The following GRIN2B variants were observed in gnomAD, a reference collection of about 807,000 sequenced individuals.
GRIN2B encodes glutamate receptor ionotropic, NMDA 2B.
Under a neutral mutation model 114.5 loss-of-function variants are expected in GRIN2B, and 5 were observed. The observed-to-expected ratio is 0.04, with a 90% confidence interval of 0.02 to 0.09. The LOEUF (loss-of-function observed/expected upper bound fraction) is 0.09. GRIN2B is among the 10% of genes least tolerant of loss of function. The pLI, the probability that GRIN2B is intolerant of heterozygous loss-of-function variation, is 1.00. For missense variants in GRIN2B, 1,108 were observed against 1,943.5 expected (o/e 0.57, Z 8.08); for synonymous variants, 787 against 745.1 (o/e 1.06, Z -0.92).
At chr12:13,780,051 C>T (rs1395589683) in intron 3 of GRIN2B, among the ~76,000 whole-genome samples, 3 of 152,196 alleles carry the variant, frequency 2.0e-5, no homozygotes, top group Non-Finnish European at 4.4e-5. Context: ...GTCACCATAT[C>T]AGGAAAATTC....
intron 5 of GRIN2B, among the ~76,000 whole-genome samples, chr12:13,622,795 A>C (rs1949531063): frequency 6.6e-6 from 1 of 152,148 alleles, no homozygotes; most frequent in Non-Finnish European, 1.5e-5. Context: ...CTCTCTCAAT[A>C]ACCAACCCAC....
intron 3 of GRIN2B, among the ~76,000 whole-genome samples, chr12:13,820,883 C>A (rs947355983): frequency 1.3e-5 from 2 of 152,108 alleles, no homozygotes; most frequent in Admixed American, 6.6e-5. Context: ...GAAGAGCTTT[C>A]TATAATAGGA....
chr12:13,743,756 C>G (rs763917403), intron 4 of GRIN2B, among the ~76,000 whole-genome samples: 2 of 151,120 alleles, frequency 1.3e-5, no homozygotes, highest in Non-Finnish European at 3.0e-5. Context: ...TTTAGTGAGA[C>G]GATATACAAG....
At chr12:13,862,738 C>A (rs1457760368) in intron 3 of GRIN2B, among the ~76,000 whole-genome samples, 1 of 152,082 alleles carries the variant, frequency 6.6e-6, no homozygotes, top group Non-Finnish European at 1.5e-5. Flanking sequence ...GTCCCAAAGG[C>A]TTTTTTCTCT....
intron 10 of GRIN2B, among the ~76,000 whole-genome samples, chr12:13,582,499 T>C (rs1948866221): frequency 6.6e-6 from 1 of 152,214 alleles, no homozygotes; most frequent in Admixed American, 6.5e-5. Flanking sequence ...TTCTGCTTGT[T>C]TTCCTCTTAT....
At chr12:13,736,924 GGAGGCT>G (rs919843753) in intron 4 of GRIN2B, among the ~76,000 whole-genome samples, 20 of 151,286 alleles carry the variant, frequency 1.3e-4, no homozygotes, top group Admixed American at 9.9e-4. Flanking sequence ...CAGCTACTTG[GGAGGCT>G]GAGGCAGGAG....
At chr12:13,832,172 T>C (rs1401547884) in intron 3 of GRIN2B, among the ~76,000 whole-genome samples, 1 of 152,246 alleles carries the variant, frequency 6.6e-6, no homozygotes, top group African/African-American at 2.4e-5. Context: ...TTCTTACACG[T>C]ATTTATTCTT....
At chr12:13,652,328 T>C (rs7956244) in intron 5 of GRIN2B, among the ~76,000 whole-genome samples, 151,127 of 152,058 alleles carry the variant, frequency 0.99, 75,106 homozygotes, top group Middle Eastern at 1. Context: ...CAATATGGTG[T>C]AATAAATGCA....
chr12:13,861,753 T>C (rs1369292132), intron 3 of GRIN2B, among the ~76,000 whole-genome samples: 1 of 152,148 alleles, frequency 6.6e-6, no homozygotes, highest in African/African-American at 2.4e-5. Flanking sequence ...CTTTCAACCA[T>C]ATGCCCTTCT....
chr12:13,778,982 C>T (rs560731606), intron 3 of GRIN2B, among the ~76,000 whole-genome samples: 29 of 152,290 alleles, frequency 1.9e-4, no homozygotes, highest in African/African-American at 6.7e-4. Context: ...TATAATATAT[C>T]CCATAACCAG....
rs181145150 is a variant in GRIN2B at position 13,765,565 on chromosome 12, A to T, written c.412-11650T>A. Among the ~76,000 whole-genome samples the T allele has an allele frequency of 6.6e-5, 10 of 152,328 alleles. No individual in the cohort carries two copies. In the East Asian group the frequency reaches 1.9e-3, roughly 29 times the overall value. On this transcript the variant is annotated intron_variant, in intron 3 of 13. Coordinates refer to ENST00000609686, the MANE Select transcript of GRIN2B (RefSeq NM_000834.5). The stretch of plus-strand genomic sequence containing the variant: ...GTTTGTCATTACCTTGTATGTAAAG[A>T]TTATTACTAAGCCCACTCTCAGCCT...
At chr12:13,870,327 G>T (rs541330538) in intron 2 of GRIN2B, among the ~76,000 whole-genome samples, 1 of 152,210 alleles carries the variant, frequency 6.6e-6, no homozygotes, top group South Asian at 2.1e-4. Context: ...GCACCAGAAG[G>T]ACCAGCAACA....
At chr12:13,726,598 T>TTATATATTATAAATA (rs1862992755) in intron 4 of GRIN2B, among the ~76,000 whole-genome samples, 1 of 148,540 alleles carries the variant, frequency 6.7e-6, no homozygotes, top group African/African-American at 2.5e-5. Flanking sequence ...TATATAACAT[T>TTATATATTATAAATA]TACTCAAGCC....
At chr12:13,932,978 TGTGTGTGTGCGTGTGC>T (rs939495236) in intron 2 of GRIN2B, among the ~76,000 whole-genome samples, 6 of 144,650 alleles carry the variant, frequency 4.1e-5, no homozygotes, top group Non-Finnish European at 7.5e-5. Context: ...TGTGTGTGTG[TGTGTGTGTGCGTGTGC>T]GTGTGTGTGT....
intron 4 of GRIN2B, among the ~76,000 whole-genome samples, chr12:13,741,678 C>T (rs2136616828): frequency 6.6e-6 from 1 of 152,062 alleles, no homozygotes; most frequent in East Asian, 1.9e-4. Flanking sequence ...CCTAAGCTTC[C>T]CAGGTTGCTG....
rs1331593289 is a variant in GRIN2B at position 13,540,394 on chromosome 12, T to G, written c.*22389A>C. On this transcript the variant is annotated 3_prime_UTR_variant, in exon 14 of 14. Coordinates refer to ENST00000609686, the MANE Select transcript of GRIN2B (RefSeq NM_000834.5). ...TTTTTTATGTTGTCTTTTTTTTAAT[T>G]CGTTTTAATTTTTGTTCCTGCATCA... 6.6e-6 allele frequency: 1 copy of G among 152,110 alleles called. No individual in the cohort carries two copies. The highest frequency in any genetic ancestry group is 1.5e-5 in the Non-Finnish European group (1 of 68,034). The allele number at this position is 152,110 out of a possible 1,614,324, so 9.4% of individuals were successfully genotyped here. A position where few individuals can be genotyped will look rare whatever the true frequency, so the allele number is the denominator to read the frequency against.
At chr12:13,596,202 C>A (rs947970633) in intron 10 of GRIN2B, among the ~76,000 whole-genome samples, 1 of 152,152 alleles carries the variant, frequency 6.6e-6, no homozygotes. Flanking sequence ...TAACACCCAG[C>A]TCAACATCTC....
At chr12:13,575,690 A>G (rs1948767108) in intron 10 of GRIN2B, among the ~76,000 whole-genome samples, 1 of 150,838 alleles carries the variant, frequency 6.6e-6, no homozygotes, top group Non-Finnish European at 1.5e-5. Context: ...AATAATAATA[A>G]TAATAATCAA....
intron 5 of GRIN2B, among the ~76,000 whole-genome samples, chr12:13,644,697 C>G (rs1048690978): frequency 3.3e-5 from 5 of 152,132 alleles, no homozygotes; most frequent in Non-Finnish European, 7.4e-5. Flanking sequence ...CATCAATGAT[C>G]TTAGCTAGAT....
Sources: allele counts gnomAD v4.1 joint callset (sites outside exome capture counted in the v4.1 genomes callset), GRCh38; gene constraint gnomAD v4.1.1; transcripts MANE v1.5; gene names NCBI Gene and HGNC (gene_info 2026-07-23, HGNC 2026-07-21).